DLEC1: variants seen among roughly 807,000 people sequenced by gnomAD.
DLEC1 encodes the protein DLEC1 cilia and flagella associated protein, also known as deleted in lung and esophageal cancer protein 1.
Under a neutral mutation model 198.1 loss-of-function variants are expected in DLEC1, and 146 were observed. That is an observed-to-expected ratio of 0.74 (90% CI 0.64 to 0.85). The LOEUF is 0.85. DLEC1 is among the 40% of genes least tolerant of loss of function. The pLI, the probability that DLEC1 is intolerant of heterozygous loss-of-function variation, is 0.00. For synonymous variants in DLEC1, 897 were observed against 866.8 expected (o/e 1.03, Z -0.61); for missense variants, 2,233 against 2,220.0 (o/e 1.01, Z -0.12).
chr3:38,118,169 G>A, intron 33 of DLEC1, 145 bp downstream of exon 33: 1 of 894,534 alleles, frequency 1.1e-6, no homozygotes, highest in Non-Finnish European at 1.7e-6. Flanking sequence ...AACACTCGGG[G>A]GTGCACTCCC....
In DLEC1 at chr3:38,039,441, G is replaced by A. The variant is rs1363220364; in HGVS notation, c.216G>A (p.Ala72=). ...GCCGCCTCACGCAGCTTGCGCTGGC[G>A]CAGCGTCCCGAGCCTCAGCTGCTTC... The part of the protein sequence containing the change: ...RPRRLTQLAL[A]QRPEPQLLRL... The change falls in exon 1 of 37, where the codon GCG becomes GCA. Residue 72 remains alanine (A), a synonymous_variant. Transcript: ENST00000308059. 1 of 1,613,752 alleles carries A rather than the reference G, an allele frequency of 6.2e-7. No homozygotes were observed. The highest frequency in any genetic ancestry group is 1.1e-5 in the South Asian group (1 of 91,072).
At position 38,088,284 on chromosome 3, in the gene DLEC1, C is replaced by T. The variant is rs139377416; in HGVS notation, c.1573-12C>T. ...GTCTTCCACACTGTTGGGTAATCTG[C>T]TTTTCTTTAAGGCCATTGCAACCGT... On this transcript the variant is annotated splice_polypyrimidine_tract_variant and intron_variant, in intron 9 of 36. Coordinates refer to ENST00000308059, the MANE Select transcript of DLEC1 (RefSeq NM_007335.4). The T allele has an allele frequency of 8.3e-4, 1,332 of 1,612,326 alleles. 5 individuals carry two copies. The highest frequency in any genetic ancestry group is 3.5e-3 in the Middle Eastern group (21 of 6,056).
chr3:38,119,665 C>T (rs979646676), intron 33 of DLEC1, among the ~76,000 whole-genome samples: 1 of 152,010 alleles, frequency 6.6e-6, no homozygotes, highest in Non-Finnish European at 1.5e-5. Context: ...ACCTCGGCCT[C>T]CCAAGTAGCT....
At chr3:38,120,308 G>A (rs1700382419) in intron 33 of DLEC1, 140 bp from the exon 34 acceptor site, 22 of 914,440 alleles carry the variant, frequency 2.4e-5, no homozygotes, top group Non-Finnish European at 3.5e-5. Context: ...CTTGTGGAAT[G>A]AAAGCACCAG....
chr3:38,051,044 G>T (rs1270977186), intron 2 of DLEC1, among the ~76,000 whole-genome samples: 1 of 151,800 alleles, frequency 6.6e-6, no homozygotes, highest in Admixed American at 6.6e-5. Context: ...TGGAACCACA[G>T]ACGGGCACCA....
chr3:38,086,392 G>T lies in DLEC1; in HGVS notation c.1572+15G>T. 1 of 1,589,014 alleles carries T rather than the reference G, an allele frequency of 6.3e-7. No individual in the cohort carries two copies. Among genetic ancestry groups the T allele is most frequent in the East Asian group, 2.3e-5 (1 of 44,178 alleles). ...TAAGTTTCAAGGTGAGTGATCACAG[G>T]TTGCTAACTGGAAAAATTACAAGTC... On this transcript the variant is annotated intron_variant, in intron 9 of 36. Transcript: ENST00000308059.
intron 7 of DLEC1, 132 bp downstream of exon 7, chr3:38,084,377 G>GTAGTA (rs1698254746): frequency 1.8e-6 from 1 of 564,032 alleles, no homozygotes; most frequent in Non-Finnish European, 2.7e-6. Flanking sequence ...TAGTAGTGAT[G>GTAGTA]GTGGTAGTAG....
At chr3:38,074,362 T>C (rs1697487980) in intron 6 of DLEC1, among the ~76,000 whole-genome samples, 1 of 152,224 alleles carries the variant, frequency 6.6e-6, no homozygotes, top group Admixed American at 6.5e-5. Flanking sequence ...TTGAAGTTTT[T>C]TCCTAATGTC....
chr3:38,039,256 T>G lies in DLEC1; in HGVS notation c.31T>G (p.Ser11Ala), dbSNP rs1307691515. 6.2e-7 allele frequency: 1 copy of G among 1,611,416 alleles called. No individual in the cohort carries two copies. The highest frequency in any genetic ancestry group is 8.5e-7 in the Non-Finnish European group (1 of 1,178,522). METRSSKTRRSLASRTNECQG... is the reference protein window; with the variant it reads METRSSKTRRALASRTNECQG... ...GACCAGGAGCTCCAAAACGCGGAGG[T>G]CTTTAGCGTCCCGGACCAACGAGTG... The change falls in exon 1 of 37, where the codon TCT becomes GCT. Residue 11 changes from serine (S) to alanine (A), a missense_variant. Coordinates refer to ENST00000308059, the MANE Select transcript of DLEC1 (RefSeq NM_007335.4).
chr3:38,079,127 G>T (rs1189355374), intron 6 of DLEC1, among the ~76,000 whole-genome samples: 1 of 152,078 alleles, frequency 6.6e-6, no homozygotes, highest in South Asian at 2.1e-4. Context: ...GGGTTAAGGT[G>T]GGGGAATACA....
Position 38,117,901 on chromosome 3 carries a change from C to G in DLEC1, c.4581C>G (p.Ser1527=). The change falls in exon 33 of 37, where the codon TCC becomes TCG. Residue 1527 remains serine, a synonymous_variant. Coordinates refer to ENST00000308059, the MANE Select transcript of DLEC1 (RefSeq NM_007335.4). ...YFRLMVSRPF[S]VSQDGASQDH... Reference sequence around the variant, plus strand: ...GGCTTATGGTCTCCAGGCCCTTCTCCGTTTCTCAAGATGGGGCGAGCCAGG... The same window carrying G: ...GGCTTATGGTCTCCAGGCCCTTCTCGGTTTCTCAAGATGGGGCGAGCCAGG... 1 of 1,614,154 alleles carries G rather than the reference C, an allele frequency of 6.2e-7. No individual in the cohort carries two copies. Among genetic ancestry groups the G allele is most frequent in the Non-Finnish European group, 8.5e-7 (1 of 1,180,024 alleles).
intron 7 of DLEC1, among the ~76,000 whole-genome samples, chr3:38,084,488 G>GGTGGTAGTAGTA (rs1559430482): frequency 6.7e-5 from 1 of 14,852 alleles, no homozygotes; most frequent in Admixed American, 6.9e-4. Context: ...TGGTAGTAGT[G>GGTGGTAGTAGTA]GTGGTAGTAG....
intron 4 of DLEC1, 101 bp from the exon 5 acceptor site, chr3:38,062,480 G>A (rs933866875): frequency 1.3e-6 from 2 of 1,575,650 alleles, no homozygotes; most frequent in African/African-American, 1.4e-5. Flanking sequence ...AAATAGAGTA[G>A]AGCTTGTGTT....
chr3:38,116,410 GCTC>G, intron 27 of DLEC1, 40 bp from the exon 28 acceptor site: 1 of 1,608,398 alleles, frequency 6.2e-7, no homozygotes, highest in Non-Finnish European at 8.5e-7. Flanking sequence ...GGGGTTGTCT[GCTC>G]CTCCCTTATT....
chr3:38,109,405 C>A, intron 21 of DLEC1, 27 bp from the exon 22 acceptor site: 1 of 1,613,802 alleles, frequency 6.2e-7, no homozygotes. Context: ...CAGGCCTGGT[C>A]TGACCCCTGG....
At chr3:38,080,159 G>A (rs1697888772) in intron 6 of DLEC1, among the ~76,000 whole-genome samples, 1 of 152,180 alleles carries the variant, frequency 6.6e-6, no homozygotes, top group Non-Finnish European at 1.5e-5. Flanking sequence ...TATGCCTTTA[G>A]CTCCAGCCAC....
chr3:38,100,846 A>C (rs530161705), intron 19 of DLEC1, among the ~76,000 whole-genome samples: 16 of 152,330 alleles, frequency 1.1e-4, no homozygotes, highest in African/African-American at 3.6e-4. Context: ...TGTCAACAGG[A>C]GAATGGACAT....
rs1700555197 is a variant in DLEC1, at chr3:38,039,558, C to T, written c.333C>T (p.Asp111=). ...TGTACTCAGCCGAGGTCATCGGCGA[C>T]GAAGTGAGCGCAAGCTTGATCAAGG... The part of the protein sequence containing the change: ...RNLYSAEVIG[D]EVSASLIKAR... The change falls in exon 1 of 37, where the codon GAC becomes GAT. Residue 111 remains aspartate, a synonymous_variant. Transcript: ENST00000308059. 6.2e-7 allele frequency: 1 copy of T among 1,613,928 alleles called. No individual in the cohort carries two copies. The highest frequency in any genetic ancestry group is 8.5e-7 in the Non-Finnish European group (1 of 1,179,922).
intron 27 of DLEC1, 91 bp downstream of exon 27, chr3:38,115,144 T>C: frequency 6.8e-7 from 1 of 1,462,250 alleles, no homozygotes; most frequent in Non-Finnish European, 9.5e-7. Context: ...GGGAAGCCGA[T>C]GGCCCATGAA....
Sources: allele counts gnomAD v4.1 joint callset (sites outside exome capture counted in the v4.1 genomes callset), GRCh38; gene constraint gnomAD v4.1.1; transcripts MANE v1.5; gene names NCBI Gene and HGNC (gene_info 2026-07-23, HGNC 2026-07-21).